SFTPB: variants seen among roughly 807,000 people sequenced by gnomAD.
SFTPB encodes the protein pulmonary surfactant-associated protein B.
In SFTPB, 32 loss-of-function variants were observed where a neutral mutation model predicts 51.0. That is an observed-to-expected ratio of 0.63 (90% CI 0.47 to 0.84). SFTPB has a LOEUF of 0.84. Among genes scored for constraint, SFTPB ranks in the 40% least tolerant of loss-of-function variants. The probability of loss-of-function intolerance (pLI) is 0.00; values close to 1 mark genes in which losing one functional copy is unlikely to be tolerated. For synonymous variants in SFTPB, 211 were observed against 208.5 expected (o/e 1.01, Z -0.10); for missense variants, 431 against 491.2 (o/e 0.88, Z 1.16).
At chr2:85,663,235 G>A in intron 8 of SFTPB, 111 bp downstream of exon 8, 1 of 1,416,554 alleles carries the variant, frequency 7.1e-7, no homozygotes, top group Non-Finnish European at 9.8e-7. Context: ...CTGCCTGTCT[G>A]TGCTCCATTC....
chr2:85,661,338 T>C, intron 10 of SFTPB, 116 bp downstream of exon 10: 1 of 717,294 alleles, frequency 1.4e-6, no homozygotes, highest in Non-Finnish European at 2.4e-6. Flanking sequence ...AGAGGGAGGA[T>C]GGAGCAGCCG....
Position 85,665,657 on chromosome 2 carries a change from G to A in SFTPB, c.531C>T (p.Val177=), listed in dbSNP as rs751001412. ...PLPDPLLDKL[V]LPVLPGALQA... is the part of the protein sequence containing the mutation. ...GGAGGGCCCCGGGCAGCACAGGGAG[G>A]ACGAGCTTGTCCAGCAGAGGGTCTG... Residue 177 remains valine, a synonymous_variant, in exon 5 of 11, where the codon GTC becomes GTT. Transcript: ENST00000519937. The A allele has an allele frequency of 5.6e-6, 9 of 1,614,154 alleles. No individual in the cohort carries two copies. The South Asian group carries it at 9.9e-5, about 18-fold the overall frequency.
chr2:85,668,003 A>T, intron 1 of SFTPB, 114 bp downstream of exon 1: 2 of 1,194,816 alleles, frequency 1.7e-6, no homozygotes, highest in Non-Finnish European at 2.4e-6. Context: ...CCCTCTCTGA[A>T]CCCCAGCTGC....
intron 10 of SFTPB, among the ~76,000 whole-genome samples, chr2:85,660,291 T>TC (rs1382823177): frequency 2.2e-5 from 3 of 138,434 alleles, no homozygotes; most frequent in Non-Finnish European, 3.1e-5. Flanking sequence ...CTGGCTAATT[T>TC]TTTTTTTTTT....
chr2:85,667,885 C>A, intron 1 of SFTPB, 79 bp from the exon 2 acceptor site: 1 of 1,597,508 alleles, frequency 6.3e-7, no homozygotes, highest in Non-Finnish European at 8.5e-7. Flanking sequence ...ACCCTCTAGA[C>A]CCAGTTTTGC....
At chr2:85,665,990 TTG>T (rs994933642) in intron 4 of SFTPB, among the ~76,000 whole-genome samples, 196 bp from the exon 5 acceptor site, 1 of 151,794 alleles carries the variant, frequency 6.6e-6, no homozygotes, top group African/African-American at 2.4e-5. Flanking sequence ...GTGGCCGGGA[TTG>T]TGTGTGAATG....
At chr2:85,667,032 G>A (rs1304892469) in intron 3 of SFTPB, 74 bp downstream of exon 3, 2 of 1,372,976 alleles carry the variant, frequency 1.5e-6, no homozygotes, top group Non-Finnish European at 2.1e-6. Flanking sequence ...GCCCCTTTAG[G>A]GGGCTCAGCT....
chr2:85,661,202 TG>T (rs1299609098), intron 10 of SFTPB: 16 of 245,690 alleles, frequency 6.5e-5, no homozygotes, highest in African/African-American at 1.3e-4. Flanking sequence ...GGCGGGGGGT[TG>T]GGGGGGAAGC....
At chr2:85,668,478 A>G (rs1388488721), upstream of SFTPB, among the ~76,000 whole-genome samples, 1 of 152,076 alleles carries the variant, frequency 6.6e-6, no homozygotes, top group Non-Finnish European at 1.5e-5. Context: ...CCACCTCTCC[A>G]GGCCGTGGGA....
At chr2:85,666,078 G>A (rs763486346) in intron 4 of SFTPB, among the ~76,000 whole-genome samples, 1 of 152,114 alleles carries the variant, frequency 6.6e-6, no homozygotes, top group Non-Finnish European at 1.5e-5. Flanking sequence ...GTGTGTGAGC[G>A]TACAGGCCCA....
intron 9 of SFTPB, among the ~76,000 whole-genome samples, 169 bp downstream of exon 9, chr2:85,661,860 C>T (rs1455356951): frequency 1.3e-5 from 2 of 152,160 alleles, no homozygotes; most frequent in Non-Finnish European, 2.9e-5. Context: ...TCCATGCTCT[C>T]ATGATTTTTT....
At chr2:85,665,854 G>C (rs1677558922) in intron 4 of SFTPB, 60 bp from the exon 5 acceptor site, 3 of 1,555,674 alleles carry the variant, frequency 1.9e-6, no homozygotes, top group Non-Finnish European at 2.7e-6. Context: ...CCCCTATTCA[G>C]GCCGGCCCAA....
chr2:85,666,559 G>C, intron 4 of SFTPB, 58 bp downstream of exon 4: 7 of 1,595,894 alleles, frequency 4.4e-6, no homozygotes, highest in Non-Finnish European at 6.0e-6. Context: ...GGCTCCCCAT[G>C]GGTGGGCACA....
Position 85,663,810 on chromosome 2 carries a change from AC to A in SFTPB, c.709del (p.Val237TrpfsTer69). ...LAVAVAQVCR[V>X]VPLVAGGICQ... Reference sequence around the variant, plus strand: ...GATGCCGCCCGCCACCAGAGGTACCACGCGGCACACCTGGGCCACTGCCACA... The same window carrying A: ...GATGCCGCCCGCCACCAGAGGTACCAGCGGCACACCTGGGCCACTGCCACA... On this transcript the variant is annotated frameshift_variant, in exon 7 of 11. Coordinates refer to ENST00000519937, the MANE Select transcript of SFTPB (RefSeq NM_000542.5). LOFTEE classifies it high-confidence loss of function. The A allele has an allele frequency of 6.3e-7, 1 of 1,599,470 alleles. No individual in the cohort carries two copies. The highest frequency in any genetic ancestry group is 2.3e-5 in the East Asian group (1 of 44,238).
At chr2:85,665,413 G>A (rs570498034) in intron 5 of SFTPB, 35 bp from the exon 6 acceptor site, 8 of 1,566,528 alleles carry the variant, frequency 5.1e-6, no homozygotes, top group Non-Finnish European at 7.0e-6. Flanking sequence ...CAGGCTGGGT[G>A]CTGGGAGAAG....
rs752956899 is a variant in SFTPB at position 85,666,775 on chromosome 2, T to TA, written c.268-34_268-33insT. On this transcript the variant is annotated intron_variant, in intron 3 of 10. Transcript: ENST00000519937. Reference sequence around the variant, plus strand: ...GCCAGAGGGGGCCGTCAGCTGGGCCTCTCTGAGGTCTACCCCGCCCAAGTC... The same window carrying TA: ...GCCAGAGGGGGCCGTCAGCTGGGCCTACTCTGAGGTCTACCCCGCCCAAGTC... 2.5e-6 allele frequency: 4 copies of TA among 1,613,216 alleles called. No homozygotes were observed. The South Asian group carries it at 4.4e-5, about 18-fold the overall frequency.
chr2:85,663,896 C>G, intron 6 of SFTPB, 49 bp from the exon 7 acceptor site: 1 of 1,521,736 alleles, frequency 6.6e-7, no homozygotes. Context: ...ACTTGGCAAG[C>G]CTCCACTCTC....
rs755360810 is a variant in SFTPB, at chr2:85,663,758, G to T, written c.762C>A (p.Ser254=). The change falls in exon 7 of 11, where the codon TCC becomes TCA. Residue 254 remains serine (S), a synonymous_variant. Coordinates refer to ENST00000519937, the MANE Select transcript of SFTPB (RefSeq NM_000542.5). The part of the protein sequence containing the change: ...GICQCLAERY[S]VILLDTLLGR... ...CCAGCAGCGTGTCGAGCAGGATGACGGAGTAGCGCTCAGCCAGGCACTGGC... is the reference window on the plus strand; with the variant it reads ...CCAGCAGCGTGTCGAGCAGGATGACTGAGTAGCGCTCAGCCAGGCACTGGC... The T allele has an allele frequency of 1.9e-6, 3 of 1,608,750 alleles. No homozygotes were observed. The highest frequency in any genetic ancestry group is 1.7e-4 in the Middle Eastern group (1 of 6,054).
At chr2:85,662,200 A>C in intron 8 of SFTPB, 91 bp from the exon 9 acceptor site, 1 of 1,547,998 alleles carries the variant, frequency 6.5e-7, no homozygotes, top group Non-Finnish European at 8.7e-7. Flanking sequence ...GGATCACTCT[A>C]GGGCTCCCTC....
Sources: gnomAD v4.1 joint callset for allele counts (sites outside exome capture counted in the v4.1 genomes callset) on GRCh38, gnomAD v4.1.1 for gene constraint, MANE v1.5 for transcripts, NCBI Gene and HGNC (gene_info 2026-07-23, HGNC 2026-07-21) for gene names.